The following SAP30BP variants were observed in gnomAD, a reference collection of about 807,000 sequenced individuals.
SAP30BP encodes SAP30 binding protein.
A neutral mutation model predicts 46.3 loss-of-function variants in SAP30BP; 31 were observed. The ratio of observed to expected loss-of-function variants is 0.67; its 90% CI spans 0.50 to 0.90. The LOEUF is 0.90. Ranked by LOEUF, SAP30BP falls within the 40% of genes least tolerant of loss-of-function variation. The pLI is 0.00. For missense variants in SAP30BP, 312 were observed against 391.0 expected (o/e 0.80, Z 1.70); for synonymous variants, 169 against 144.2 (o/e 1.17, Z -1.23).
At chr17:75,698,147 G>T (rs563121067) in intron 4 of SAP30BP, among the ~76,000 whole-genome samples, 1 of 152,332 alleles carries the variant, frequency 6.6e-6, no homozygotes, top group African/African-American at 2.4e-5. Context: ...TGCAGTGCCG[G>T]GGTGGCCCAA....
chr17:75,676,703 G>A (rs2059995259), intron 3 of SAP30BP, among the ~76,000 whole-genome samples: 1 of 152,218 alleles, frequency 6.6e-6, no homozygotes, highest in African/African-American at 2.4e-5. Flanking sequence ...GTAACCTGAG[G>A]TCAGCTGCAG....
At chr17:75,700,615 G>T (rs2060394053) in intron 5 of SAP30BP, among the ~76,000 whole-genome samples, 1 of 152,236 alleles carries the variant, frequency 6.6e-6, no homozygotes, top group African/African-American at 2.4e-5. Context: ...TGGGACCTGA[G>T]GCTAAGGAAT....
intron 3 of SAP30BP, among the ~76,000 whole-genome samples, chr17:75,680,696 C>T (rs1270101240): frequency 1.3e-5 from 2 of 152,224 alleles, no homozygotes; most frequent in African/African-American, 4.8e-5. Context: ...CGGCTCACTG[C>T]CCTTCATGTC....
chr17:75,668,912 T>G (rs1156646578), intron 2 of SAP30BP, among the ~76,000 whole-genome samples: 1 of 152,248 alleles, frequency 6.6e-6, no homozygotes, highest in Non-Finnish European at 1.5e-5. Flanking sequence ...TTTTCCCTGT[T>G]TAAATGATTT....
intron 3 of SAP30BP, chr17:75,690,768 A>G: frequency 2.2e-6 from 1 of 456,618 alleles, no homozygotes. Flanking sequence ...TCTAAACATG[A>G]TAAGGTATAG....
chr17:75,687,917 G>GGTGTGTGTGTGTGTGTGTGTGA (rs2060181906), intron 3 of SAP30BP, among the ~76,000 whole-genome samples: 1 of 120,260 alleles, frequency 8.3e-6, no homozygotes, highest in African/African-American at 3.0e-5. Flanking sequence ...CAGTGTTTGG[G>GGTGTGTGTGTGTGTGTGTGTGA]GTGTGTGTGT....
intron 3 of SAP30BP, among the ~76,000 whole-genome samples, chr17:75,688,174 A>G (rs1346913966): frequency 1.3e-5 from 2 of 152,110 alleles, no homozygotes; most frequent in South Asian, 2.1e-4. Flanking sequence ...AGGCATTGCA[A>G]AGATCCTGGG....
Position 75,702,510 on chromosome 17 carries a change from A to C in SAP30BP, c.427A>C (p.Ile143Leu). 6.3e-7 allele frequency: 1 copy of C among 1,585,848 alleles called. No homozygotes were observed. Among genetic ancestry groups the C allele is most frequent in the South Asian group, 1.1e-5 (1 of 90,034 alleles). ...GATCCAGAAGCTTTATGAACGAAAG[A>C]TAAAGGAGGGAATGGATATGAACTA... ...DKIQKLYERK[I>L]KEGMDMNYII... The change falls in exon 6 of 11, where the codon ATA becomes CTA. Residue 143 changes from isoleucine to leucine, a missense_variant. Physicochemically the swap from Ile to Leu is conservative, Grantham distance 5. This residue lies in a region of SAP30BP where 296 missense variants were observed against 346.6 expected (regional missense o/e 0.85). Coordinates refer to ENST00000584667, the MANE Select transcript of SAP30BP (RefSeq NM_013260.8).
intron 5 of SAP30BP, among the ~76,000 whole-genome samples, chr17:75,702,127 ATTC>A (rs1189612281): frequency 3.3e-5 from 5 of 152,170 alleles, no homozygotes; most frequent in African/African-American, 9.7e-5. Context: ...GGTTCAAGCT[ATTC>A]TTCTGCCTTA....
chr17:75,695,413 T>G (rs1599152147), intron 4 of SAP30BP, among the ~76,000 whole-genome samples: 1 of 152,344 alleles, frequency 6.6e-6, no homozygotes, highest in East Asian at 1.9e-4. Context: ...AGCACGGTGC[T>G]TGCAAGACTC....
chr17:75,693,515 T>A, intron 4 of SAP30BP, 33 bp downstream of exon 4: 1 of 1,606,924 alleles, frequency 6.2e-7, no homozygotes, highest in Non-Finnish European at 8.5e-7. Context: ...GGCACGTTTC[T>A]CAGCCTTGCT....
chr17:75,703,658 T>TG, intron 7 of SAP30BP, 150 bp from the exon 8 acceptor site: 3 of 751,986 alleles, frequency 4.0e-6, no homozygotes, highest in Non-Finnish European at 7.0e-6. Context: ...CTTCAGCACT[T>TG]GCCAGCCGCC....
intron 3 of SAP30BP, among the ~76,000 whole-genome samples, chr17:75,687,955 TGAGAGA>T (rs10597935): frequency 0.13 from 16,219 of 124,526 alleles, 963 homozygotes; most frequent in South Asian, 0.17. Flanking sequence ...TGTGTGTGTG[TGAGAGA>T]GACAGAGAGA....
At chr17:75,669,476 C>T (rs1357631214) in intron 2 of SAP30BP, among the ~76,000 whole-genome samples, 2 of 152,152 alleles carry the variant, frequency 1.3e-5, no homozygotes, top group Non-Finnish European at 2.9e-5. Flanking sequence ...CTCCTGACCT[C>T]AGGTGATCCA....
At chr17:75,694,268 C>G (rs879332943) in intron 4 of SAP30BP, among the ~76,000 whole-genome samples, 8 of 152,190 alleles carry the variant, frequency 5.3e-5, no homozygotes, top group Non-Finnish European at 1.2e-4. Context: ...AAGCGCTGCC[C>G]CAGTAGTCAG....
chr17:75,693,463 A>T lies in SAP30BP; in HGVS notation c.288A>T (p.Arg96=), dbSNP rs1359381995. 15 of 1,613,966 alleles carry T rather than the reference A, an allele frequency of 9.3e-6. No homozygotes were observed. The highest frequency in any genetic ancestry group is 1.3e-5 in the Non-Finnish European group (15 of 1,179,970). ...DPKDNTEAEK[R]DPQELVASFS... ...AGGATAATACAGAAGCAGAAAAGCGAGACCCCCAGGAACTCGTGGGTGAGT... is the reference window on the plus strand; with the variant it reads ...AGGATAATACAGAAGCAGAAAAGCGTGACCCCCAGGAACTCGTGGGTGAGT... Residue 96 remains arginine (R), a synonymous_variant, in exon 4 of 11, where the codon CGA becomes CGT. Transcript: ENST00000584667.
Position 75,667,339 on chromosome 17 carries a change from T to G in SAP30BP, c.-34T>G, listed in dbSNP as rs1199686657. 1.2e-6 allele frequency: 2 copies of G among 1,607,858 alleles called. No individual in the cohort carries two copies. The highest frequency in any genetic ancestry group is 1.3e-5 in the African/African-American group (1 of 74,878). ...GCCCGGAAGTCGGCGTCTTGAGTCA[T>G]AGGAGTGAGCCACGCCCGGGCTGTG... On this transcript the variant is annotated 5_prime_UTR_variant, in exon 1 of 11. Transcript: ENST00000584667.
Position 75,693,286 on chromosome 17 carries a change from G to C in SAP30BP, c.265-154G>C, listed in dbSNP as rs914493479. 1.1e-5 allele frequency: 7 copies of C among 613,582 alleles called. No individual in the cohort carries two copies. In the East Asian group the frequency reaches 2.1e-4, roughly 18 times the overall value. The allele number at this position is 613,582 out of a possible 1,614,324, so 38.0% of individuals were successfully genotyped here. On this transcript the variant is annotated intron_variant, in intron 3 of 10. Coordinates refer to ENST00000584667, the MANE Select transcript of SAP30BP (RefSeq NM_013260.8). The stretch of plus-strand genomic sequence containing the variant: ...AAGAAGAGGGTTCGGAGGCTCGGGG[G>C]TGCCAGAGGCCCCTGAAGCATCAGC...
intron 7 of SAP30BP, 97 bp from the exon 8 acceptor site, chr17:75,703,711 G>A: frequency 9.0e-7 from 1 of 1,113,006 alleles, no homozygotes; most frequent in South Asian, 1.2e-5. Flanking sequence ...CCCGGGTAAG[G>A]GGACCCCAGA....
Sources: allele counts gnomAD v4.1 joint callset (sites outside exome capture counted in the v4.1 genomes callset), GRCh38; gene constraint gnomAD v4.1.1; regional missense constraint gnomAD v4.1.1; transcripts MANE v1.5; gene names NCBI Gene and HGNC (gene_info 2026-07-23, HGNC 2026-07-21).